The following ADGRV1 variants were observed in gnomAD, a reference collection of about 807,000 sequenced individuals.
ADGRV1 encodes G-protein coupled receptor 98.
ADGRV1 carries 359 observed loss-of-function variants against 596.2 expected under a neutral mutation model. That is an observed-to-expected ratio of 0.60 (90% CI 0.55 to 0.66). The LOEUF is 0.66. Ranked by LOEUF, ADGRV1 falls within the 30% of genes least tolerant of loss-of-function variation. ADGRV1 has a pLI of 0.00. For synonymous variants in ADGRV1, 2,681 were observed against 2,679.2 expected, an observed-to-expected ratio of 1.00 and a Z score of -0.02; for missense variants, 7,274 against 7,575.6, an observed-to-expected ratio of 0.96 and a Z score of 1.48.
intron 84 of ADGRV1, among the ~76,000 whole-genome samples, chr5:90,980,305 G>C (rs185071630): frequency 9.9e-5 from 15 of 152,214 alleles, no homozygotes; most frequent in Admixed American, 3.3e-4. Context: ...CTTTCCAACT[G>C]ACAAATTTGG....
At chr5:90,703,894 T>A in intron 35 of ADGRV1, 99 bp downstream of exon 35, 1 of 831,338 alleles carries the variant, frequency 1.2e-6, no homozygotes, top group South Asian at 1.8e-5. Context: ...GTTATTATCT[T>A]TCTCTCTTCT....
At position 90,653,568 on chromosome 5, in the gene ADGRV1, G is replaced by A. The variant is rs775914750; in HGVS notation, c.3994G>A (p.Gly1332Arg). 4 of 1,613,794 alleles carry A rather than the reference G, an allele frequency of 2.5e-6. No individual in the cohort carries two copies. Among genetic ancestry groups the A allele is most frequent in the Non-Finnish European group, 3.4e-6 (4 of 1,179,844 alleles). ...TGGAACGGATGCTTTGTACTTTACC[G>A]GACTAGAGGGTGCATTTGGGACTGT... ...HSGTDALYFT[G>R]LEGAFGTVNP... Residue 1332 changes from glycine to arginine, a missense_variant, in exon 20 of 90, where the codon GGA becomes AGA. Transcript: ENST00000405460.
chr5:90,686,924 G>C (rs1007922657), intron 29 of ADGRV1, among the ~76,000 whole-genome samples: 1 of 152,170 alleles, frequency 6.6e-6, no homozygotes, highest in Non-Finnish European at 1.5e-5. Flanking sequence ...GTGTGAGATG[G>C]TATCTCATTG....
intron 83 of ADGRV1, among the ~76,000 whole-genome samples, chr5:90,943,520 A>G (rs1561978434): frequency 6.6e-6 from 1 of 151,986 alleles, no homozygotes. Context: ...CTAAAATGTC[A>G]CTTCCTCAGA....
intron 83 of ADGRV1, among the ~76,000 whole-genome samples, chr5:90,910,986 G>A (rs900920161): frequency 3.3e-5 from 5 of 152,122 alleles, no homozygotes; most frequent in Admixed American, 3.3e-4. Flanking sequence ...GCAAAAGGAG[G>A]ATGATGTTAA....
At chr5:90,845,054 A>G (rs1765746055) in intron 78 of ADGRV1, among the ~76,000 whole-genome samples, 2 of 152,102 alleles carry the variant, frequency 1.3e-5, no homozygotes, top group South Asian at 2.1e-4. Context: ...TTTGTATTTC[A>G]TGCTCGAGGT....
chr5:91,131,113 A>G (rs1437722377), intron 87 of ADGRV1, among the ~76,000 whole-genome samples: 1 of 152,172 alleles, frequency 6.6e-6, no homozygotes, highest in Non-Finnish European at 1.5e-5. Context: ...AGAACAATTT[A>G]TTTTCCTTTG....
At position 91,125,473 on chromosome 5, in the gene ADGRV1, C is replaced by T. The variant is rs145920030; in HGVS notation, c.18432+23133C>T. Among the ~76,000 whole-genome samples, 440 of 152,294 alleles carry T rather than the reference C, an allele frequency of 2.9e-3. 2 individuals are homozygous for T. The highest frequency in any genetic ancestry group is 0.01 in the African/African-American group (428 of 41,568). On this transcript the variant is annotated intron_variant, in intron 87 of 89. Transcript: ENST00000405460. ...TGCCTGATCCCTGAAAGTACATTGA[C>T]AATCCCTAAGGTCCATAGAGAATCC...
chr5:91,090,806 A>T (rs1790318941), intron 86 of ADGRV1, among the ~76,000 whole-genome samples: 1 of 152,090 alleles, frequency 6.6e-6, no homozygotes, highest in African/African-American at 2.4e-5. Flanking sequence ...CTAAAGCAAA[A>T]ATTTAAAAAT....
At chr5:90,934,705 A>G (rs1186361562) in intron 83 of ADGRV1, among the ~76,000 whole-genome samples, 2 of 152,230 alleles carry the variant, frequency 1.3e-5, no homozygotes, top group African/African-American at 4.8e-5. Context: ...CCATAACAAA[A>G]TACAACAGAC....
chr5:90,597,769 ATAAAT>A (rs536483983), intron 1 of ADGRV1, among the ~76,000 whole-genome samples: 33 of 152,270 alleles, frequency 2.2e-4, no homozygotes, highest in Middle Eastern at 3.4e-3. Flanking sequence ...GAAGAGGAAG[ATAAAT>A]TAAGAGGTAA....
chr5:90,807,564 A>G, intron 72 of ADGRV1, 38 bp from the exon 73 acceptor site: 1 of 1,575,558 alleles, frequency 6.3e-7, no homozygotes, highest in Non-Finnish European at 8.6e-7. Context: ...TAAGAAAAGA[A>G]ATAATACCCT....
chr5:90,618,545 T>C (rs1288224806), intron 3 of ADGRV1, among the ~76,000 whole-genome samples: 2 of 152,344 alleles, frequency 1.3e-5, no homozygotes, highest in East Asian at 1.9e-4. Context: ...GAAACAGTTA[T>C]GTTTTGCTCT....
chr5:90,696,173 A>G (rs1342840207), intron 33 of ADGRV1, among the ~76,000 whole-genome samples: 2 of 151,986 alleles, frequency 1.3e-5, no homozygotes, highest in Admixed American at 6.6e-5. Flanking sequence ...GTCTCTCCAG[A>G]AAGTGGGGAG....
intron 87 of ADGRV1, among the ~76,000 whole-genome samples, chr5:91,143,464 C>T (rs936226717): frequency 1.2e-4 from 18 of 152,168 alleles, no homozygotes; most frequent in African/African-American, 4.1e-4. Context: ...AGAGGAGACT[C>T]GCAGTGCTCC....
Position 90,783,914 on chromosome 5 carries a change from A to G in ADGRV1, c.13510A>G (p.Arg4504Gly). The G allele has an allele frequency of 6.2e-7, 1 of 1,612,518 alleles. No individual in the cohort carries two copies. The highest frequency in any genetic ancestry group is 1.1e-5 in the South Asian group (1 of 90,642). ...GGTCCTTGGGCGCCACCTAGTGAGCAGAATCATAATAGCTAAGAGTGACTC... is the reference window on the plus strand; with the variant it reads ...GGTCCTTGGGCGCCACCTAGTGAGCGGAATCATAATAGCTAAGAGTGACTC... ...GAVLGRHLVS[R>G]IIIAKSDSPF... The change falls in exon 67 of 90, where the codon AGA (arginine) becomes GGA (glycine). Residue 4504 changes from arginine to glycine, a missense_variant. Coordinates refer to ENST00000405460, the MANE Select transcript of ADGRV1 (RefSeq NM_032119.4).
At chr5:90,765,934 G>A (rs1373034047) in intron 59 of ADGRV1, among the ~76,000 whole-genome samples, 1 of 151,252 alleles carries the variant, frequency 6.6e-6, no homozygotes, top group East Asian at 2.0e-4. Flanking sequence ...TTTTGAGACA[G>A]AGTCTTGCTC....
intron 77 of ADGRV1, among the ~76,000 whole-genome samples, chr5:90,839,544 C>G (rs938967456): frequency 3.3e-5 from 5 of 152,132 alleles, no homozygotes; most frequent in Non-Finnish European, 5.9e-5. Flanking sequence ...ATCCAGCACT[C>G]TCCTTCTAGT....
At chr5:90,593,818 A>T (rs1759869351) in intron 1 of ADGRV1, among the ~76,000 whole-genome samples, 1 of 152,074 alleles carries the variant, frequency 6.6e-6, no homozygotes, top group African/African-American at 2.4e-5. Flanking sequence ...TTTTGGTACA[A>T]GCTTTTTATC....
Sources: allele counts gnomAD v4.1 joint callset (sites outside exome capture counted in the v4.1 genomes callset), GRCh38; gene constraint gnomAD v4.1.1; transcripts MANE v1.5; gene names NCBI Gene and HGNC (gene_info 2026-07-23, HGNC 2026-07-21).